Variants in SVEP1 observed in about 807,000 individuals in gnomAD.
The protein encoded by SVEP1 is sushi, von Willebrand factor type A, EGF and pentraxin domain-containing protein 1.
SVEP1 carries 164 observed loss-of-function variants against 367.3 expected under a neutral mutation model. That is an observed-to-expected ratio of 0.45 (90% CI 0.39 to 0.51). SVEP1 has a LOEUF of 0.51. Among genes scored for constraint, SVEP1 ranks in the 20% least tolerant of loss-of-function variants. The pLI is 0.00. For synonymous variants in SVEP1, 1,666 were observed against 1,611.6 expected, an observed-to-expected ratio of 1.03 and a Z score of -0.81; for missense variants, 4,117 against 4,425.3, an observed-to-expected ratio of 0.93 and a Z score of 1.98.
rs552735119 is a variant in SVEP1, at chr9:110,497,356, C to T, written c.1682-423G>A. Among the ~76,000 whole-genome samples the T allele has an allele frequency of 6.6e-5, 10 of 152,284 alleles. No homozygotes were observed. The East Asian group carries it at 1.9e-3, about 29-fold the overall frequency. ...AGGAAGCTCTTGCTGATTCTCCAGG[C>T]CCATTTGAGGTCCCCACTCCACAAG... On this transcript the variant is annotated intron_variant, in intron 7 of 47. Coordinates refer to ENST00000374469, the MANE Select transcript of SVEP1 (RefSeq NM_153366.4).
chr9:110,407,666 T>A lies in SVEP1; in HGVS notation c.7934A>T (p.Tyr2645Phe), dbSNP rs763483724. 6.2e-7 allele frequency: 1 copy of A among 1,613,926 alleles called. No homozygotes were observed. The highest frequency in any genetic ancestry group is 1.3e-5 in the African/African-American group (1 of 74,946). Residue 2645 changes from tyrosine to phenylalanine, a missense_variant, in exon 38 of 48, where the codon TAT becomes TTT. Tyr to Phe is a conservative substitution (Grantham distance 22). Transcript: ENST00000374469. ...ATGATAAGGAGGGTGAGGAGTCACA[T>A]ATGGAACTTCCATCATGTCGTCTTC... is the stretch of plus-strand genomic sequence containing the variant. ...EQEDDMMEVP[Y>F]VTPHPPYHLG...
At chr9:110,391,231 G>A (rs1165928341) in intron 40 of SVEP1, among the ~76,000 whole-genome samples, 1 of 150,358 alleles carries the variant, frequency 6.7e-6, no homozygotes, top group African/African-American at 2.4e-5. Flanking sequence ...TTCATTTTAT[G>A]AACAAATGTA....
At chr9:110,370,044 T>G in intron 46 of SVEP1, 28 bp from the exon 47 acceptor site, 1 of 1,588,922 alleles carries the variant, frequency 6.3e-7, no homozygotes, top group African/African-American at 1.3e-5. Context: ...TGCATTTATT[T>G]AATTAATACT....
rs547475151 is a variant in SVEP1, at chr9:110,462,561, G to A, written c.3322+3304C>T. 6.7e-5 allele frequency among the ~76,000 whole-genome samples: 10 copies of A among 149,684 alleles called. 1 individual carries two copies. The highest frequency in any genetic ancestry group is 1.3e-4 in the Non-Finnish European group (9 of 67,514). On this transcript the variant is annotated intron_variant, in intron 18 of 47. Transcript: ENST00000374469. ...TAGTATGTAATACAATACTAAACATGTACATGTACACACACACATAAATAC... is the reference window on the plus strand; with the variant it reads ...TAGTATGTAATACAATACTAAACATATACATGTACACACACACATAAATAC...
intron 1 of SVEP1, among the ~76,000 whole-genome samples, chr9:110,565,989 G>A (rs1177462107): frequency 6.6e-6 from 1 of 151,914 alleles, no homozygotes; most frequent in Non-Finnish European, 1.5e-5. Context: ...ATTCTCCATG[G>A]TTCAGTTTCT....
Position 110,479,622 on chromosome 9 carries a change from A to C in SVEP1, c.2487+13T>G, listed in dbSNP as rs1829153845. 7 of 1,587,892 alleles carry C rather than the reference A, an allele frequency of 4.4e-6. No individual in the cohort carries two copies. The highest frequency in any genetic ancestry group is 6.0e-6 in the Non-Finnish European group (7 of 1,170,684). ...ATAAAAGAACACACAATAAATGACCACTATTGATGTACCATTTTTCCCAGG... is the reference window on the plus strand; with the variant it reads ...ATAAAAGAACACACAATAAATGACCCCTATTGATGTACCATTTTTCCCAGG... On this transcript the variant is annotated intron_variant, in intron 13 of 47. Coordinates refer to ENST00000374469, the MANE Select transcript of SVEP1 (RefSeq NM_153366.4).
intron 8 of SVEP1, among the ~76,000 whole-genome samples, chr9:110,491,083 A>G (rs1255609948): frequency 6.6e-6 from 1 of 151,972 alleles, no homozygotes; most frequent in East Asian, 1.9e-4. Flanking sequence ...ATAACTTTAC[A>G]TCTTAAAAAT....
At chr9:110,546,853 G>T (rs1411292637) in intron 2 of SVEP1, among the ~76,000 whole-genome samples, 3 of 152,224 alleles carry the variant, frequency 2.0e-5, no homozygotes, top group Non-Finnish European at 4.4e-5. Flanking sequence ...GGCATGCTGG[G>T]AATGCAATAA....
intron 46 of SVEP1, among the ~76,000 whole-genome samples, chr9:110,372,501 G>A (rs940849610): frequency 6.6e-6 from 1 of 152,196 alleles, no homozygotes; most frequent in African/African-American, 2.4e-5. Context: ...TTATTAGAGA[G>A]CTAAGGTGTT....
intron 2 of SVEP1, among the ~76,000 whole-genome samples, chr9:110,548,673 C>T (rs975573642): frequency 1.3e-5 from 2 of 152,062 alleles, no homozygotes; most frequent in Non-Finnish European, 2.9e-5. Context: ...AAGTTGCAGG[C>T]CTGGAACTTA....
At chr9:110,516,325 T>C (rs1829803628) in intron 3 of SVEP1, among the ~76,000 whole-genome samples, 1 of 151,764 alleles carries the variant, frequency 6.6e-6, no homozygotes, top group African/African-American at 2.4e-5. Context: ...GCTTCTAAAA[T>C]TCTTGACTTT....
At chr9:110,529,132 G>A (rs1378461728) in intron 3 of SVEP1, among the ~76,000 whole-genome samples, 1 of 152,026 alleles carries the variant, frequency 6.6e-6, no homozygotes. Context: ...TGAATAGGGT[G>A]TCCTTTCCCC....
intron 3 of SVEP1, among the ~76,000 whole-genome samples, chr9:110,534,862 G>A (rs150000521): frequency 4.6e-4 from 70 of 152,150 alleles, no homozygotes; most frequent in African/African-American, 1.6e-3. Flanking sequence ...ATGTTTTAAT[G>A]GGGTTGCTTT....
chr9:110,556,583 C>T (rs1830360474), intron 1 of SVEP1, among the ~76,000 whole-genome samples: 1 of 152,168 alleles, frequency 6.6e-6, no homozygotes, highest in Admixed American at 6.5e-5. Flanking sequence ...CAACCTCCGC[C>T]TCATGGGTTC....
intron 22 of SVEP1, among the ~76,000 whole-genome samples, chr9:110,453,672 A>G (rs1488535855): frequency 6.6e-6 from 1 of 152,124 alleles, no homozygotes; most frequent in East Asian, 1.9e-4. Flanking sequence ...GTTCAAGACC[A>G]GCCTGACCAA....
chr9:110,449,057 T>A (rs1305839027), intron 24 of SVEP1, among the ~76,000 whole-genome samples: 2 of 152,198 alleles, frequency 1.3e-5, no homozygotes, highest in African/African-American at 4.8e-5. Context: ...ACAATACAGT[T>A]TTCTAAAATT....
At position 110,546,134 on chromosome 9, in the gene SVEP1, A is replaced by G. The variant is rs1830217747; in HGVS notation, c.945T>C (p.Gly315=). ...ACTCACCTGTGCATTCATACTGCAG[A>G]CCTTTCCCGTAATACCCCTTTTCAC... ...CICEKGYYGK[G]LQYECTACPS... The change falls in exon 3 of 48, where the codon GGT becomes GGC. Residue 315 remains glycine, a synonymous_variant. Transcript: ENST00000374469. 3 of 1,552,544 alleles carry G rather than the reference A, an allele frequency of 1.9e-6. No homozygotes were observed. The highest frequency in any genetic ancestry group is 2.6e-6 in the Non-Finnish European group (3 of 1,147,228).
At chr9:110,439,419 G>C (rs1298552533) in intron 27 of SVEP1, among the ~76,000 whole-genome samples, 2 of 152,034 alleles carry the variant, frequency 1.3e-5, no homozygotes, top group Non-Finnish European at 2.9e-5. Context: ...TTGAGGCAGA[G>C]TGTCACTCTT....
chr9:110,509,425 G>C (rs1208808944), intron 5 of SVEP1, among the ~76,000 whole-genome samples: 1 of 152,168 alleles, frequency 6.6e-6, no homozygotes, highest in Non-Finnish European at 1.5e-5. Flanking sequence ...AGCTTTGGTG[G>C]TGAAGTTGAA....
Sources: allele counts gnomAD v4.1 joint callset (sites outside exome capture counted in the v4.1 genomes callset), GRCh38; gene constraint gnomAD v4.1.1; transcripts MANE v1.5; gene names NCBI Gene and HGNC (gene_info 2026-07-23, HGNC 2026-07-21).